STPG2: variants seen among roughly 807,000 people sequenced by gnomAD.
STPG2 encodes the protein sperm tail PG-rich repeat containing 2.
STPG2 carries 56 observed loss-of-function variants against 54.2 expected under a neutral mutation model. The observed-to-expected ratio is 1.03, with a 90% CI of 0.83 to 1.29. STPG2 has a LOEUF of 1.29. STPG2 is among the 50% of genes most tolerant of loss of function. The pLI, the probability that STPG2 is intolerant of heterozygous loss-of-function variation, is 0.00. For missense variants in STPG2, 596 were observed against 544.9 expected (o/e 1.09, Z -0.93); for synonymous variants, 200 against 181.8 (o/e 1.10, Z -0.81).
rs868132846 is a variant in STPG2, at chr4:97,475,827, G to T, written c.462+236872C>A. Among the ~76,000 whole-genome samples the T allele has an allele frequency of 1.2e-4, 18 of 152,218 alleles. 1 individual carries two copies. The highest frequency in any genetic ancestry group is 8.5e-4 in the Admixed American group (13 of 15,280). On this transcript the variant is annotated intron_variant, in intron 4 of 4. Transcript: ENST00000522676. ...GACTGCTTAGATGCCTCTTCTGAAA[G>T]GTCCTCTTCACAGAGACTTTCCCTG...
intron 5 of STPG2, among the ~76,000 whole-genome samples, chr4:98,011,386 G>A (rs548040636): frequency 3.3e-5 from 5 of 152,094 alleles, no homozygotes; most frequent in Non-Finnish European, 5.9e-5. Flanking sequence ...TTGGTTCCAT[G>A]TCTTTGCTAT....
At chr4:98,092,277 T>C (rs996618992) in intron 5 of STPG2, among the ~76,000 whole-genome samples, 4 of 152,010 alleles carry the variant, frequency 2.6e-5, no homozygotes, top group African/African-American at 9.7e-5. Flanking sequence ...AAACTTTCCT[T>C]AGAAAATGGG....
intron 4 of STPG2, among the ~76,000 whole-genome samples, chr4:97,473,122 G>A (rs533257380): frequency 6.6e-5 from 10 of 152,046 alleles, no homozygotes; most frequent in South Asian, 6.2e-4. Context: ...TGATAATTGC[G>A]TTAACTGCAC....
At chr4:97,886,392 T>C (rs1730571430) in intron 8 of STPG2, among the ~76,000 whole-genome samples, 1 of 152,120 alleles carries the variant, frequency 6.6e-6, no homozygotes. Context: ...GAACCAAAGA[T>C]TTTAAATGCA....
chr4:98,131,588 A>T (rs968853699), intron 2 of STPG2, among the ~76,000 whole-genome samples: 1 of 152,172 alleles, frequency 6.6e-6, no homozygotes, highest in African/African-American at 2.4e-5. Context: ...ATGTAATATG[A>T]GCTACATGAA....
chr4:97,691,960 C>T (rs1413805356), intron 10 of STPG2, among the ~76,000 whole-genome samples: 3 of 152,082 alleles, frequency 2.0e-5, no homozygotes, highest in African/African-American at 7.2e-5. Flanking sequence ...TCTCAGAAAG[C>T]CCCATCCCTG....
At chr4:97,901,883 C>A (rs1345550464) in intron 8 of STPG2, among the ~76,000 whole-genome samples, 1 of 151,930 alleles carries the variant, frequency 6.6e-6, no homozygotes, top group Non-Finnish European at 1.5e-5. Context: ...GACAAAGTTG[C>A]AGGCATACAG....
chr4:98,022,749 T>A (rs948058991), intron 5 of STPG2, among the ~76,000 whole-genome samples: 1 of 152,206 alleles, frequency 6.6e-6, no homozygotes, highest in Non-Finnish European at 1.5e-5. Context: ...ACTTCCCTTC[T>A]TGCTTCATTT....
intron 7 of STPG2, among the ~76,000 whole-genome samples, chr4:97,964,048 G>C (rs889711586): frequency 2.0e-5 from 3 of 152,152 alleles, no homozygotes; most frequent in Non-Finnish European, 4.4e-5. Flanking sequence ...TATGTGAATA[G>C]GAAGGACTAT....
At chr4:97,864,692 T>C (rs1407687380) in intron 8 of STPG2, among the ~76,000 whole-genome samples, 1 of 152,240 alleles carries the variant, frequency 6.6e-6, no homozygotes, top group South Asian at 2.1e-4. Flanking sequence ...CTTCAAACTA[T>C]ACTACAAGGC....
chr4:97,884,657 G>T (rs1429742223), intron 8 of STPG2, among the ~76,000 whole-genome samples: 1 of 151,958 alleles, frequency 6.6e-6, no homozygotes, highest in Non-Finnish European at 1.5e-5. Flanking sequence ...CACAAACAAA[G>T]CTTCATTTTA....
At chr4:97,946,700 T>C (rs1437306722) in intron 7 of STPG2, among the ~76,000 whole-genome samples, 1 of 152,188 alleles carries the variant, frequency 6.6e-6, no homozygotes, top group Non-Finnish European at 1.5e-5. Flanking sequence ...ATCAGTTGGT[T>C]GTAAATATTT....
chr4:97,452,120 ACCCCCCCCCCCCCCCG>A (rs1039478392), intron 4 of STPG2, among the ~76,000 whole-genome samples: 1 of 19,442 alleles, frequency 5.1e-5, no homozygotes, highest in African/African-American at 2.6e-4. Context: ...CCCCGCCCCC[ACCCCCCCCCCCCCCCG>A]CCCCCAGCAC....
At chr4:97,903,334 T>C (rs1025058040) in intron 8 of STPG2, among the ~76,000 whole-genome samples, 2 of 152,118 alleles carry the variant, frequency 1.3e-5, no homozygotes, top group African/African-American at 4.8e-5. Context: ...CATCACATTG[T>C]ACACTTTGAA....
intron 3 of STPG2, among the ~76,000 whole-genome samples, chr4:98,124,347 CA>C (rs1739772407): frequency 6.6e-6 from 1 of 152,148 alleles, no homozygotes; most frequent in African/African-American, 2.4e-5. Context: ...GTGCTTCCTT[CA>C]GGAGCTCTGA....
In STPG2 at chr4:97,936,023, G is replaced by A. The variant is rs190336601; in HGVS notation, c.1044+7874C>T. 2.6e-3 allele frequency among the ~76,000 whole-genome samples: 403 copies of A among 152,164 alleles called. 1 individual carries two copies. The highest frequency in any genetic ancestry group is 3.9e-3 in the Non-Finnish European group (268 of 68,012). ...ATTGTATGGGACTCTAAGTCTCTTC[G>A]TAGGTCTCTAAGAACTTGCTTTATG... On this transcript the variant is annotated intron_variant, in intron 8 of 10. Transcript: ENST00000295268.
intron 5 of STPG2, among the ~76,000 whole-genome samples, chr4:98,057,637 A>T (rs965576388): frequency 2.0e-5 from 3 of 152,168 alleles, no homozygotes; most frequent in Admixed American, 1.3e-4. Context: ...AAAACATAGG[A>T]CATCATCCAT....
At chr4:97,971,901 C>T (rs1393487692) in intron 7 of STPG2, among the ~76,000 whole-genome samples, 1 of 152,020 alleles carries the variant, frequency 6.6e-6, no homozygotes. Context: ...ATTTTAAAAC[C>T]AATTGTCTGG....
chr4:98,034,969 A>C (rs1311605346), intron 5 of STPG2, among the ~76,000 whole-genome samples: 1 of 152,240 alleles, frequency 6.6e-6, no homozygotes, highest in Non-Finnish European at 1.5e-5. Context: ...AAAGTCTTAA[A>C]TGTAAGATCT....
Sources: allele counts gnomAD v4.1 joint callset (sites outside exome capture counted in the v4.1 genomes callset), GRCh38; gene constraint gnomAD v4.1.1; transcripts MANE v1.5; gene names NCBI Gene and HGNC (gene_info 2026-07-23, HGNC 2026-07-21).